ASAP2: variants seen among roughly 807,000 people sequenced by gnomAD.
ASAP2 encodes arf-GAP with SH3 domain, ANK repeat and PH domain-containing protein 2.
Under a neutral mutation model 131.4 loss-of-function variants are expected in ASAP2, and 45 were observed. The observed-to-expected ratio is 0.34, with a 90% CI of 0.27 to 0.44. The LOEUF (loss-of-function observed/expected upper bound fraction) is 0.44. ASAP2 is among the 20% of genes least tolerant of loss of function. The pLI is 1.00. For synonymous variants in ASAP2, 510 were observed against 503.0 expected (o/e 1.01, Z -0.19); for missense variants, 1,011 against 1,297.0 (o/e 0.78, Z 3.39).
chr2:9,307,686 C>T (rs1173695857), intron 3 of ASAP2, among the ~76,000 whole-genome samples: 3 of 152,254 alleles, frequency 2.0e-5, no homozygotes, highest in African/African-American at 7.2e-5. Context: ...GAGCTGTTGA[C>T]TGCCAGAGAA....
In ASAP2 at chr2:9,217,961, C is replaced by A. The variant is rs1317278979; in HGVS notation, c.126+10731C>A. On this transcript the variant is annotated intron_variant, in intron 1 of 27. Transcript: ENST00000281419. This position sits in a 1 kb window ranked among gnomAD's most constrained non-coding sequence, Gnocchi z 4.0. The stretch of plus-strand genomic sequence containing the variant: ...AATAATGATGACAATGCTTTAATTT[C>A]ATTTCTCTGAGCTTTAATTCTGTAT... 6.6e-6 allele frequency among the ~76,000 whole-genome samples: 1 copy of A among 150,612 alleles called. No individual in the cohort carries two copies. Among genetic ancestry groups the A allele is most frequent in the Non-Finnish European group, 1.5e-5 (1 of 67,750 alleles).
At chr2:9,249,285 G>A (rs913996410) in intron 1 of ASAP2, among the ~76,000 whole-genome samples, 2 of 152,222 alleles carry the variant, frequency 1.3e-5, no homozygotes, top group Non-Finnish European at 2.9e-5. Context: ...AGTGAACTTT[G>A]TCTGTGGCTC....
At chr2:9,285,690 A>C (rs184729496) in intron 2 of ASAP2, among the ~76,000 whole-genome samples, 27 of 152,386 alleles carry the variant, frequency 1.8e-4, no homozygotes, top group Non-Finnish European at 3.2e-4. Flanking sequence ...GCTGTTTGAC[A>C]TATCAGTGGG....
Position 9,217,233 on chromosome 2 carries a change from C to T in ASAP2, c.126+10003C>T, listed in dbSNP as rs1662113901. On this transcript the variant is annotated intron_variant, in intron 1 of 27. Transcript: ENST00000281419. The surrounding 1 kb of genome is among the most constrained non-coding windows in gnomAD (Gnocchi z 4.0). The stretch of plus-strand genomic sequence containing the variant: ...TTAGAAAGTTGCAGCTATTGCATTG[C>T]TCGAGTGGGTGCTTCTGGCAAATCC... 6.6e-6 allele frequency among the ~76,000 whole-genome samples: 1 copy of T among 152,184 alleles called. No homozygotes were observed. The highest frequency in any genetic ancestry group is 2.1e-4 in the South Asian group (1 of 4,836).
chr2:9,256,398 A>C (rs1490582925), intron 1 of ASAP2, among the ~76,000 whole-genome samples: 1 of 115,292 alleles, frequency 8.7e-6, no homozygotes, highest in African/African-American at 4.3e-5. Flanking sequence ...TAAAGAAATT[A>C]GCGTTTAACA....
At chr2:9,284,673 A>G (rs745775486) in intron 2 of ASAP2, among the ~76,000 whole-genome samples, 34 of 152,204 alleles carry the variant, frequency 2.2e-4, no homozygotes, top group Non-Finnish European at 4.6e-4. Context: ...GACAGCTGTG[A>G]CATACCTCCT....
intron 20 of ASAP2, among the ~76,000 whole-genome samples, chr2:9,381,353 C>G (rs1434553842): frequency 6.6e-6 from 1 of 152,236 alleles, no homozygotes; most frequent in Non-Finnish European, 1.5e-5. Flanking sequence ...TTCCTTATTT[C>G]TACAGTGCAG....
Position 9,323,222 on chromosome 2 carries a change from G to A in ASAP2, c.572G>A (p.Arg191Lys). The change falls in exon 6 of 28, where the codon AGG becomes AAG. Residue 191 changes from arginine to lysine, a missense_variant. Physicochemically the swap from Arg to Lys is conservative, Grantham distance 26. Coordinates refer to ENST00000281419, the MANE Select transcript of ASAP2 (RefSeq NM_003887.3). ...AEIAEEMEKE[R>K]RFFQLQMCEY... ...ATTGCCGAAGAGATGGAAAAGGAGA[G>A]GCGCTTCTTCCAGCTACAGATGTGC... is the stretch of plus-strand genomic sequence containing the variant. 2 of 1,614,244 alleles carry A rather than the reference G, an allele frequency of 1.2e-6. No individual in the cohort carries two copies. The highest frequency in any genetic ancestry group is 2.2e-5 in the East Asian group (1 of 44,882).
intron 1 of ASAP2, among the ~76,000 whole-genome samples, chr2:9,243,195 G>A (rs925037084): frequency 2.0e-5 from 3 of 152,048 alleles, no homozygotes; most frequent in Non-Finnish European, 2.9e-5. Flanking sequence ...TGCAAGCTCC[G>A]CCTCCCGGGT....
intron 7 of ASAP2, among the ~76,000 whole-genome samples, chr2:9,331,336 A>C (rs2148546562): frequency 6.6e-6 from 1 of 152,280 alleles, no homozygotes; most frequent in South Asian, 2.1e-4. Context: ...TATTTCATTT[A>C]AGGAAGGAAT....
At position 9,323,317 on chromosome 2, in the gene ASAP2, C is replaced by G. The variant is rs550888046; in HGVS notation, c.600+67C>G. ...CCGGCTCTGCCCTCACCTGTGGGAG[C>G]ATCTCACCGGTACCAGCGGCTTCAG... On this transcript the variant is annotated intron_variant, in intron 6 of 27. Transcript: ENST00000281419. 3.8e-6 allele frequency: 6 copies of G among 1,591,306 alleles called. No homozygotes were observed. The South Asian group carries it at 5.7e-5, about 15-fold the overall frequency.
chr2:9,380,715 CT>C (rs777825294), intron 19 of ASAP2, 25 bp from the exon 20 acceptor site: 2 of 1,613,612 alleles, frequency 1.2e-6, no homozygotes, highest in South Asian at 2.2e-5. Flanking sequence ...GCCTTAACGC[CT>C]CCTTTGCTCG....
At chr2:9,286,852 G>A (rs937083372) in intron 2 of ASAP2, among the ~76,000 whole-genome samples, 11 of 152,078 alleles carry the variant, frequency 7.2e-5, no homozygotes, top group African/African-American at 2.7e-4. Context: ...TGATTAAAAA[G>A]GAATAGATGA....
chr2:9,373,866 T>C (rs1456270713), intron 16 of ASAP2, among the ~76,000 whole-genome samples: 1 of 152,226 alleles, frequency 6.6e-6, no homozygotes, highest in Admixed American at 6.5e-5. Context: ...ATGCATGTAC[T>C]CTGTGACCAG....
chr2:9,396,399 G>A (rs929118986), intron 24 of ASAP2, among the ~76,000 whole-genome samples: 4 of 151,878 alleles, frequency 2.6e-5, no homozygotes, highest in African/African-American at 4.8e-5. Context: ...CTCAGCCTCC[G>A]CATAGCTGGG....
intron 1 of ASAP2, among the ~76,000 whole-genome samples, chr2:9,269,415 C>T (rs1378984129): frequency 2.0e-5 from 3 of 152,182 alleles, no homozygotes; most frequent in Non-Finnish European, 4.4e-5. Flanking sequence ...CCACCCTGAG[C>T]CAGGTCATCT....
chr2:9,336,061 T>G (rs1342825906), intron 9 of ASAP2: 1 of 152,248 alleles, frequency 6.6e-6, no homozygotes, highest in Non-Finnish European at 1.5e-5. Flanking sequence ...AGTTCAGTAT[T>G]TTAATAAATT....
chr2:9,212,486 G>A (rs553445669), intron 1 of ASAP2, among the ~76,000 whole-genome samples: 1 of 152,146 alleles, frequency 6.6e-6, no homozygotes, highest in South Asian at 2.1e-4. Context: ...CCTGCCTTAG[G>A]TAAATATTGA....
chr2:9,403,061 C>T (rs1317145158), intron 27 of ASAP2, among the ~76,000 whole-genome samples, 192 bp from the exon 28 acceptor site: 1 of 152,164 alleles, frequency 6.6e-6, no homozygotes, highest in Non-Finnish European at 1.5e-5. Context: ...ACGGGAGAGG[C>T]CTGCACTATT....
Sources: gnomAD v4.1 joint callset for allele counts (sites outside exome capture counted in the v4.1 genomes callset) on GRCh38, gnomAD v4.1.1 for gene constraint, Gnocchi (gnomAD v3.1) non-coding constraint, MANE v1.5 for transcripts, NCBI Gene and HGNC (gene_info 2026-07-23, HGNC 2026-07-21) for gene names.